SLC8A3: variants seen among roughly 807,000 people sequenced by gnomAD.
The protein encoded by SLC8A3 is sodium/calcium exchanger 3.
Under a neutral mutation model 65.4 loss-of-function variants are expected in SLC8A3, and 37 were observed. The observed-to-expected ratio is 0.57, with a 90% confidence interval of 0.44 to 0.74. The LOEUF (loss-of-function observed/expected upper bound fraction) is 0.74. Among genes scored for constraint, SLC8A3 ranks in the 30% least tolerant of loss-of-function variants. The pLI, the probability that SLC8A3 is intolerant of heterozygous loss-of-function variation, is 0.00. For synonymous variants in SLC8A3, 461 were observed against 444.5 expected, an observed-to-expected ratio of 1.04 and a Z score of -0.47; for missense variants, 1,112 against 1,172.1, an observed-to-expected ratio of 0.95 and a Z score of 0.75.
intron 2 of SLC8A3, among the ~76,000 whole-genome samples, chr14:70,146,545 T>A (rs1368322134): frequency 6.6e-6 from 1 of 152,070 alleles, no homozygotes; most frequent in African/African-American, 2.4e-5. Flanking sequence ...TTAAAAAAAA[T>A]TAGAAAAATG....
intron 3 of SLC8A3, among the ~76,000 whole-genome samples, chr14:70,059,776 G>T (rs1181564163): frequency 1.3e-5 from 2 of 152,146 alleles, no homozygotes; most frequent in African/African-American, 4.8e-5. Context: ...TCCAACACCT[G>T]TCTGTCAGGG....
intron 2 of SLC8A3, among the ~76,000 whole-genome samples, chr14:70,087,241 A>G (rs1467372528): frequency 1.3e-5 from 2 of 152,216 alleles, no homozygotes; most frequent in Non-Finnish European, 2.9e-5. Context: ...AAATGAGAAA[A>G]GGAAAAGCAT....
At chr14:70,081,636 G>A (rs1233476660) in intron 2 of SLC8A3, among the ~76,000 whole-genome samples, 26 of 152,276 alleles carry the variant, frequency 1.7e-4, no homozygotes, top group Non-Finnish European at 8.8e-5. Flanking sequence ...TCATCATTGT[G>A]CCTAACAGCA....
At chr14:70,106,249 A>T (rs1023682151) in intron 2 of SLC8A3, among the ~76,000 whole-genome samples, 1 of 152,162 alleles carries the variant, frequency 6.6e-6, no homozygotes, top group Non-Finnish European at 1.5e-5. Flanking sequence ...ACAAGAAAAA[A>T]GACGCATGTG....
At chr14:70,136,578 C>T (rs1594740284) in intron 2 of SLC8A3, among the ~76,000 whole-genome samples, 1 of 152,334 alleles carries the variant, frequency 6.6e-6, no homozygotes, top group Non-Finnish European at 1.5e-5. Flanking sequence ...AAACACTGTT[C>T]TTCCAGCCCT....
At chr14:70,110,067 G>A (rs1409843982) in intron 2 of SLC8A3, among the ~76,000 whole-genome samples, 1 of 151,380 alleles carries the variant, frequency 6.6e-6, no homozygotes, top group African/African-American at 2.4e-5. Context: ...ATTTTTGTGG[G>A]TATGTAGTAG....
At chr14:70,124,303 T>C (rs1894289737) in intron 2 of SLC8A3, among the ~76,000 whole-genome samples, 1 of 152,162 alleles carries the variant, frequency 6.6e-6, no homozygotes, top group South Asian at 2.1e-4. Context: ...ACCCCTTGCC[T>C]CTCTCTTCAG....
chr14:70,049,144 G>A, intron 5 of SLC8A3, 102 bp from the exon 6 acceptor site: 1 of 1,171,312 alleles, frequency 8.5e-7, no homozygotes, highest in Non-Finnish European at 1.2e-6. Flanking sequence ...TCCGCTAGAA[G>A]GGGACTCCAG....
At chr14:70,169,274 C>T (rs536739968) in intron 1 of SLC8A3, among the ~76,000 whole-genome samples, 14 of 152,238 alleles carry the variant, frequency 9.2e-5, no homozygotes, top group South Asian at 6.2e-4. Context: ...GTGAATGCCA[C>T]CCACCCCATA....
chr14:70,123,604 C>T (rs1272498118), intron 2 of SLC8A3, among the ~76,000 whole-genome samples: 1 of 151,954 alleles, frequency 6.6e-6, no homozygotes. Context: ...CACCTGTCAC[C>T]ACACCCGGCT....
At chr14:70,181,912 C>G (rs1344935491) in intron 1 of SLC8A3, among the ~76,000 whole-genome samples, 1 of 152,112 alleles carries the variant, frequency 6.6e-6, no homozygotes, top group African/African-American at 2.4e-5. Context: ...ATAGTAAGTA[C>G]TTCGTACAGT....
chr14:70,085,243 C>G (rs1891344914), intron 2 of SLC8A3, among the ~76,000 whole-genome samples: 1 of 151,750 alleles, frequency 6.6e-6, no homozygotes, highest in Non-Finnish European at 1.5e-5. Context: ...GATTAGCACC[C>G]CATTTTTCAT....
At chr14:70,061,226 G>A (rs958461813) in intron 2 of SLC8A3, among the ~76,000 whole-genome samples, 7 of 152,186 alleles carry the variant, frequency 4.6e-5, no homozygotes, top group African/African-American at 1.7e-4. Flanking sequence ...AGAAGGGGAG[G>A]AGAAGGCAGA....
At chr14:70,112,816 G>T (rs1035477464) in intron 2 of SLC8A3, among the ~76,000 whole-genome samples, 6 of 152,084 alleles carry the variant, frequency 3.9e-5, no homozygotes, top group Non-Finnish European at 8.8e-5. Flanking sequence ...GCAATCCTTG[G>T]TGTTCCCTGT....
At chr14:70,113,098 G>A (rs985360919) in intron 2 of SLC8A3, among the ~76,000 whole-genome samples, 1 of 151,938 alleles carries the variant, frequency 6.6e-6, no homozygotes, top group Non-Finnish European at 1.5e-5. Context: ...TTCAGCTTGG[G>A]GACAGTCTTG....
intron 3 of SLC8A3, among the ~76,000 whole-genome samples, chr14:70,053,973 A>G (rs1012620657): frequency 1.3e-5 from 2 of 152,208 alleles, no homozygotes; most frequent in African/African-American, 4.8e-5. Flanking sequence ...AATTTAGAGG[A>G]CCATAGTGAT....
chr14:70,185,770 G>T (rs78566336), intron 1 of SLC8A3, among the ~76,000 whole-genome samples: 5,602 of 152,220 alleles, frequency 0.037, 278 homozygotes, highest in East Asian at 0.27. Context: ...AGGTGTGCCT[G>T]GCATTACTTA....
chr14:70,107,013 G>C (rs1007084533), intron 2 of SLC8A3, among the ~76,000 whole-genome samples: 1 of 152,160 alleles, frequency 6.6e-6, no homozygotes, highest in African/African-American at 2.4e-5. Flanking sequence ...CTGAGCACAG[G>C]TTACAAGTTC....
chr14:70,059,689 T>C (rs979275467), intron 3 of SLC8A3, among the ~76,000 whole-genome samples: 1 of 152,126 alleles, frequency 6.6e-6, no homozygotes, highest in Non-Finnish European at 1.5e-5. Context: ...TTCTCTAGTG[T>C]GGGATGAGGG....
Sources: allele counts gnomAD v4.1 joint callset (sites outside exome capture counted in the v4.1 genomes callset), GRCh38; gene constraint gnomAD v4.1.1; transcripts MANE v1.5; gene names NCBI Gene and HGNC (gene_info 2026-07-23, HGNC 2026-07-21).